The following DSE variants were observed in gnomAD, a reference collection of about 807,000 sequenced individuals.
DSE encodes the protein dermatan-sulfate epimerase.
In DSE, 36 loss-of-function variants were observed where a neutral mutation model predicts 84.4. The ratio of observed to expected loss-of-function variants is 0.43; its 90% CI spans 0.33 to 0.56. The LOEUF (loss-of-function observed/expected upper bound fraction) is 0.56. DSE is among the 20% of genes least tolerant of loss of function. The pLI, the probability that DSE is intolerant of heterozygous loss-of-function variation, is 0.06. For synonymous variants in DSE, 410 were observed against 430.1 expected (o/e 0.95, Z 0.58); for missense variants, 862 against 1,169.6 (o/e 0.74, Z 3.84).
chr6:116,310,975 T>A (rs1370253459), intron 2 of DSE, among the ~76,000 whole-genome samples: 7 of 152,214 alleles, frequency 4.6e-5, no homozygotes. Context: ...TGGCTAGGTG[T>A]GCTCTGACCA....
At chr6:116,375,541 C>T in intron 1 of DSE, 1 of 985,158 alleles carries the variant, frequency 1.0e-6, no homozygotes, top group Non-Finnish European at 1.2e-6. Context: ...AAATGTATCC[C>T]AAATTTCTAT....
Position 116,420,050 on chromosome 6 carries a change from G to A in DSE, c.417-6524G>A, listed in dbSNP as rs547325479. 4.6e-5 allele frequency among the ~76,000 whole-genome samples: 7 copies of A among 152,292 alleles called. No homozygotes were observed. In the South Asian group the frequency reaches 1.5e-3, roughly 32 times the overall value. ...GCCTGCTATAAAGTTGTTAGGTTCTGAAAAGTACTAGGAAATAGGATTAAT... is the reference window on the plus strand; with the variant it reads ...GCCTGCTATAAAGTTGTTAGGTTCTAAAAAGTACTAGGAAATAGGATTAAT... On this transcript the variant is annotated intron_variant, in intron 2 of 5. Coordinates refer to ENST00000644252, the MANE Select transcript of DSE (RefSeq NM_013352.4).
At chr6:116,285,118 T>C (rs1773802243) in intron 2 of DSE, among the ~76,000 whole-genome samples, 1 of 152,234 alleles carries the variant, frequency 6.6e-6, no homozygotes, top group Non-Finnish European at 1.5e-5. Context: ...ATGGTTGAAC[T>C]ACTTTAGAGT....
intron 2 of DSE, among the ~76,000 whole-genome samples, chr6:116,342,110 A>C (rs1176927449): frequency 6.6e-6 from 1 of 152,198 alleles, no homozygotes; most frequent in Non-Finnish European, 1.5e-5. Flanking sequence ...ATTTGGGGAC[A>C]ACCAGAGACT....
chr6:116,285,617 T>A (rs1773848950), intron 2 of DSE, among the ~76,000 whole-genome samples: 1 of 152,190 alleles, frequency 6.6e-6, no homozygotes. Flanking sequence ...CTGAATGGTA[T>A]TGCCTAGGTT....
intron 2 of DSE, among the ~76,000 whole-genome samples, chr6:116,260,325 AAT>A (rs1772358028): frequency 6.6e-6 from 1 of 151,856 alleles, no homozygotes; most frequent in African/African-American, 2.4e-5. Context: ...CCCACTTTTT[AAT>A]AGAGTTCTTT....
chr6:116,281,158 G>A (rs866934234), intron 2 of DSE, among the ~76,000 whole-genome samples: 65 of 152,132 alleles, frequency 4.3e-4, no homozygotes, highest in African/African-American at 1.5e-3. Flanking sequence ...GGAAGGAATG[G>A]TGGAGAATAG....
chr6:116,313,576 C>T lies in DSE; in HGVS notation c.-54+54609C>T, dbSNP rs561534718. 6.8e-4 allele frequency among the ~76,000 whole-genome samples: 104 copies of T among 152,272 alleles called. 2 individuals are homozygous for T. The South Asian group carries it at 0.021, about 30-fold the overall frequency. On this transcript the variant is annotated intron_variant, in intron 2 of 3. Coordinates refer to the DSE transcript ENST00000430252. ...GCATAAGTCCTTTATAAATTAATTG[C>T]AAGCATAGCTGGAGTAACTCCAGCC...
chr6:116,398,987 A>G (rs1256028256), intron 1 of DSE, among the ~76,000 whole-genome samples: 4 of 152,226 alleles, frequency 2.6e-5, no homozygotes, highest in East Asian at 1.9e-4. Context: ...TCTGTTTTCC[A>G]TAATGAATAC....
chr6:116,349,319 A>C (rs1055927313), intron 2 of DSE, among the ~76,000 whole-genome samples: 1 of 152,124 alleles, frequency 6.6e-6, no homozygotes, highest in Admixed American at 6.5e-5. Context: ...GAAACACTTG[A>C]GCCAATGAAG....
At chr6:116,383,435 G>A (rs1462130572) in intron 1 of DSE, among the ~76,000 whole-genome samples, 1 of 152,104 alleles carries the variant, frequency 6.6e-6, no homozygotes, top group African/African-American at 2.4e-5. Context: ...ATTAGGAGAT[G>A]CCAAGAATGG....
chr6:116,298,668 C>T (rs1471984342), intron 2 of DSE, among the ~76,000 whole-genome samples: 3 of 152,160 alleles, frequency 2.0e-5, no homozygotes, highest in South Asian at 2.1e-4. Flanking sequence ...AAAGTCACTA[C>T]GTGTGTGATA....
intron 2 of DSE, among the ~76,000 whole-genome samples, chr6:116,355,162 G>C (rs555388956): frequency 6.6e-6 from 1 of 152,118 alleles, no homozygotes; most frequent in Non-Finnish European, 1.5e-5. Context: ...TCACACATAC[G>C]TGCATATATT....
chr6:116,351,005 T>C (rs1778280056), intron 2 of DSE, among the ~76,000 whole-genome samples: 1 of 152,292 alleles, frequency 6.6e-6, no homozygotes, highest in African/African-American at 2.4e-5. Flanking sequence ...CTTACAGTCT[T>C]AAAAAAGAAT....
At chr6:116,412,007 T>G (rs1782401611) in intron 2 of DSE, among the ~76,000 whole-genome samples, 1 of 152,256 alleles carries the variant, frequency 6.6e-6, no homozygotes, top group South Asian at 2.1e-4. Context: ...TCTGTTTTTT[T>G]GGCAACATAG....
At chr6:116,278,066 CCT>C (rs763653804) in intron 2 of DSE, 3 of 182,376 alleles carry the variant, frequency 1.6e-5, no homozygotes, top group African/African-American at 2.4e-5. Context: ...CTGCTTTTCT[CCT>C]CTGAGTTCAT....
chr6:116,310,239 T>C (rs1426465914), intron 2 of DSE, among the ~76,000 whole-genome samples: 1 of 152,184 alleles, frequency 6.6e-6, no homozygotes, highest in Non-Finnish European at 1.5e-5. Context: ...GTCCTTTTTT[T>C]CTCAGTCTCT....
At chr6:116,366,553 G>A (rs1317093361), upstream of DSE, 1 of 152,146 alleles carries the variant, frequency 6.6e-6, no homozygotes, top group Non-Finnish European at 1.5e-5. Context: ...TTATAATTTG[G>A]AAGGTGTTTA....
intron 4 of DSE, among the ~76,000 whole-genome samples, chr6:116,431,488 T>C (rs1441960814): frequency 1.3e-5 from 2 of 152,178 alleles, no homozygotes; most frequent in African/African-American, 4.8e-5. Flanking sequence ...TTGAGTAATA[T>C]ACGAACTCAT....
Sources: allele counts gnomAD v4.1 joint callset (sites outside exome capture counted in the v4.1 genomes callset), GRCh38; gene constraint gnomAD v4.1.1; transcripts MANE v1.5; gene names NCBI Gene and HGNC (gene_info 2026-07-23, HGNC 2026-07-21).